The following PLCXD3 variants were observed in gnomAD, a reference collection of about 807,000 sequenced individuals.
PLCXD3 encodes PI-PLC X domain-containing protein 3.
In PLCXD3, 19 loss-of-function variants were observed where a neutral mutation model predicts 25.5. The ratio of observed to expected loss-of-function variants is 0.75; its 90% confidence interval spans 0.52 to 1.09. PLCXD3 has a LOEUF of 1.09. Ranked by LOEUF, PLCXD3 falls within the 50% of genes least tolerant of loss-of-function variation. The pLI is 0.00. For synonymous variants in PLCXD3, 174 were observed against 137.6 expected (o/e 1.26, Z -1.85); for missense variants, 411 against 388.1 (o/e 1.06, Z -0.50).
chr5:41,386,329 C>T (rs374445477), intron 1 of PLCXD3, among the ~76,000 whole-genome samples: 62 of 152,126 alleles, frequency 4.1e-4, no homozygotes, highest in African/African-American at 1.4e-3. Context: ...TATCATCTGG[C>T]CTAACCAAAT....
intron 2 of PLCXD3, among the ~76,000 whole-genome samples, chr5:41,350,894 A>C (rs1048560305): frequency 1.3e-5 from 2 of 152,126 alleles, no homozygotes; most frequent in African/African-American, 4.8e-5. Flanking sequence ...CTGGTAACAT[A>C]AGCTTATTTT....
chr5:41,377,913 C>A (rs1745343203), intron 2 of PLCXD3, among the ~76,000 whole-genome samples: 1 of 152,048 alleles, frequency 6.6e-6, no homozygotes, highest in Non-Finnish European at 1.5e-5. Flanking sequence ...CCAAACTGTG[C>A]AGATGAAAAT....
At chr5:41,472,224 T>C (rs1285600447) in intron 1 of PLCXD3, among the ~76,000 whole-genome samples, 2 of 152,110 alleles carry the variant, frequency 1.3e-5, no homozygotes, top group African/African-American at 4.8e-5. Context: ...ATGTATGTCT[T>C]AATTTGTTAG....
chr5:41,445,242 T>C (rs905715336), intron 1 of PLCXD3, among the ~76,000 whole-genome samples: 2 of 152,222 alleles, frequency 1.3e-5, no homozygotes, highest in Admixed American at 6.5e-5. Context: ...TGGAGAATCA[T>C]TCCTGGTGAC....
intron 1 of PLCXD3, among the ~76,000 whole-genome samples, chr5:41,399,217 A>G (rs1217648326): frequency 6.6e-6 from 1 of 152,204 alleles, no homozygotes; most frequent in Non-Finnish European, 1.5e-5. Flanking sequence ...ATGGAAATAT[A>G]TTCCATGCTC....
At chr5:41,495,713 A>G (rs1024945404) in intron 1 of PLCXD3, among the ~76,000 whole-genome samples, 11 of 152,200 alleles carry the variant, frequency 7.2e-5, no homozygotes, top group Admixed American at 2.6e-4. Context: ...CATCACAGAG[A>G]AGGTTTGAGA....
intron 1 of PLCXD3, among the ~76,000 whole-genome samples, chr5:41,389,514 G>A (rs976021577): frequency 2.6e-5 from 4 of 152,114 alleles, no homozygotes; most frequent in African/African-American, 9.7e-5. Flanking sequence ...ATCCCAACAT[G>A]AGAAGAGCCT....
chr5:41,381,741 A>T, intron 2 of PLCXD3, 85 bp downstream of exon 2: 1 of 1,303,512 alleles, frequency 7.7e-7, no homozygotes, highest in Admixed American at 2.4e-5. Flanking sequence ...ATACATAGGT[A>T]TAATTTCAGC....
At position 41,398,223 on chromosome 5, in the gene PLCXD3, C is replaced by G. The variant is rs572904991; in HGVS notation, c.104-15689G>C. ...GTAACCCCCAGTGATGGGGAAGAGA[C>G]CTGGTGGGAGATATTAAATCATGGG... is the stretch of plus-strand genomic sequence containing the variant. On this transcript the variant is annotated intron_variant, in intron 1 of 2. Transcript: ENST00000377801. Among the ~76,000 whole-genome samples the G allele has an allele frequency of 5.3e-5, 8 of 152,240 alleles. 1 individual carries two copies. In the South Asian group the frequency reaches 1.7e-3, roughly 32 times the overall value.
chr5:41,359,170 T>C (rs921370233), intron 2 of PLCXD3, among the ~76,000 whole-genome samples: 13 of 152,152 alleles, frequency 8.5e-5, no homozygotes, highest in African/African-American at 2.9e-4. Context: ...ATTTGGTATG[T>C]AGTTTTCTTT....
chr5:41,460,818 A>G (rs1156653055), intron 1 of PLCXD3, among the ~76,000 whole-genome samples: 1 of 152,036 alleles, frequency 6.6e-6, no homozygotes, highest in Non-Finnish European at 1.5e-5. Flanking sequence ...ACGAATGTGC[A>G]AAATTATTGG....
At chr5:41,452,588 G>T (rs975478727) in intron 1 of PLCXD3, among the ~76,000 whole-genome samples, 1 of 151,918 alleles carries the variant, frequency 6.6e-6, no homozygotes. Context: ...ACCTCCAAAT[G>T]AAAAATCACA....
intron 2 of PLCXD3, among the ~76,000 whole-genome samples, chr5:41,339,579 T>C (rs1037942988): frequency 1.3e-5 from 2 of 152,062 alleles, no homozygotes; most frequent in African/African-American, 2.4e-5. Flanking sequence ...AAAATGACAG[T>C]AGTGTTGCCC....
intron 1 of PLCXD3, among the ~76,000 whole-genome samples, chr5:41,416,679 TAA>T (rs896714493): frequency 1.1e-4 from 17 of 152,192 alleles, no homozygotes; most frequent in African/African-American, 3.9e-4. Flanking sequence ...CTGGGCTGGT[TAA>T]AAGAGACATG....
At chr5:41,499,828 A>C (rs1748916656) in intron 1 of PLCXD3, among the ~76,000 whole-genome samples, 1 of 151,844 alleles carries the variant, frequency 6.6e-6, no homozygotes, top group Non-Finnish European at 1.5e-5. Context: ...CCAGAAATAA[A>C]ACCTCACATA....
At chr5:41,435,547 C>A (rs1747228040) in intron 1 of PLCXD3, among the ~76,000 whole-genome samples, 1 of 152,134 alleles carries the variant, frequency 6.6e-6, no homozygotes, top group African/African-American at 2.4e-5. Flanking sequence ...GAGTTTGAGT[C>A]CCAGCTCTTG....
chr5:41,388,461 A>C (rs1745707967), intron 1 of PLCXD3, among the ~76,000 whole-genome samples: 1 of 152,064 alleles, frequency 6.6e-6, no homozygotes, highest in South Asian at 2.1e-4. Context: ...ATATTTTTAA[A>C]AACAGTGAGA....
At position 41,381,894 on chromosome 5, in the gene PLCXD3, C is replaced by T. The variant is rs1207748038; in HGVS notation, c.744G>A (p.Val248=). 1.2e-6 allele frequency: 2 copies of T among 1,613,244 alleles called. No individual in the cohort carries two copies. The highest frequency in any genetic ancestry group is 1.1e-5 in the South Asian group (1 of 91,036). The change falls in exon 2 of 3, where the codon GTG becomes GTA. Residue 248 remains valine, a synonymous_variant. Coordinates refer to ENST00000377801, the MANE Select transcript of PLCXD3 (RefSeq NM_001005473.3). ...CCACAGTGCTAGCTTTGGGGGTCAG[C>T]ACCACCTGAGATATAAAAAACGATC... ...KKGSFFISQV[V]LTPKASTVVK...
intron 2 of PLCXD3, among the ~76,000 whole-genome samples, chr5:41,323,610 G>A (rs566945208): frequency 2.4e-4 from 37 of 152,330 alleles, no homozygotes; most frequent in African/African-American, 8.7e-4. Flanking sequence ...TGACTTCAGT[G>A]TAGACAAGTG....
Sources: gnomAD v4.1 joint callset for allele counts (sites outside exome capture counted in the v4.1 genomes callset) on GRCh38, gnomAD v4.1.1 for gene constraint, MANE v1.5 for transcripts, NCBI Gene and HGNC (gene_info 2026-07-23, HGNC 2026-07-21) for gene names.